Variants in GYPC observed in about 807,000 individuals in gnomAD.
GYPC encodes glycophorin-C.
Under a neutral mutation model 12.6 loss-of-function variants are expected in GYPC, and 14 were observed. The ratio of observed to expected loss-of-function variants is 1.11; its 90% confidence interval spans 0.74 to 1.74. The LOEUF (loss-of-function observed/expected upper bound fraction) is 1.74. Ranked by LOEUF, GYPC falls within the 40% of genes most tolerant of loss-of-function variation. GYPC has a pLI of 0.00. For missense variants in GYPC, 225 were observed against 172.1 expected (o/e 1.31, Z -1.72); for synonymous variants, 78 against 62.1 (o/e 1.26, Z -1.20).
chr2:126,665,745 C>T lies in GYPC; in HGVS notation c.49+9433C>T, dbSNP rs551242765. ...GGCAAGCGCCCACTCTGCCCTGCTC[C>T]GCACCTAGTGAGGACGTGTAACACA... On this transcript the variant is annotated intron_variant, in intron 1 of 3. Transcript: ENST00000259254. Among the ~76,000 whole-genome samples, 8 of 152,348 alleles carry T rather than the reference C, an allele frequency of 5.3e-5. No individual in the cohort carries two copies. In the South Asian group the frequency reaches 1.4e-3, roughly 28 times the overall value.
At chr2:126,677,516 AGTCTGTG>A (rs1683035571) in intron 1 of GYPC, among the ~76,000 whole-genome samples, 1 of 84,376 alleles carries the variant, frequency 1.2e-5, no homozygotes, top group Admixed American at 1.1e-4. Context: ...AGTGTGTGTG[AGTCTGTG>A]TGTGTGTGAG....
intron 1 of GYPC, among the ~76,000 whole-genome samples, chr2:126,656,559 G>A (rs1035624866): frequency 2.6e-5 from 4 of 152,270 alleles, no homozygotes; most frequent in Admixed American, 2.0e-4. Flanking sequence ...CCGAGCTGGA[G>A]AAGCCGCCAG....
At position 126,656,446 on chromosome 2, in the gene GYPC, C is replaced by T. The variant is rs1682358971; in HGVS notation, c.49+134C>T. Reference sequence around the variant, plus strand: ...CGGGCCTCCAGGCGGAGGAGGCGTCCGCTGGGCTCAGATCCCCGACTCCAG... The same window carrying T: ...CGGGCCTCCAGGCGGAGGAGGCGTCTGCTGGGCTCAGATCCCCGACTCCAG... On this transcript the variant is annotated intron_variant, in intron 1 of 3. Transcript: ENST00000259254. The T allele has an allele frequency of 5.4e-5, 39 of 722,660 alleles. 1 individual carries two copies. In the South Asian group the frequency reaches 7.0e-4, roughly 13 times the overall value. The allele number at this position is 722,660 out of a possible 1,614,324, so 44.8% of individuals were successfully genotyped here. A position where few individuals can be genotyped will look rare whatever the true frequency, so the allele number is the denominator to read the frequency against.
intron 1 of GYPC, among the ~76,000 whole-genome samples, chr2:126,677,718 C>T (rs1043445037): frequency 7.2e-5 from 11 of 152,072 alleles, no homozygotes; most frequent in South Asian, 6.2e-4. Flanking sequence ...GATGAGCACA[C>T]GAGGGTCCGG....
chr2:126,662,884 C>T (rs1038357769), intron 1 of GYPC, among the ~76,000 whole-genome samples: 1 of 152,136 alleles, frequency 6.6e-6, no homozygotes, highest in Non-Finnish European at 1.5e-5. Context: ...TCCCCACTGC[C>T]CTGCTCCCTC....
intron 1 of GYPC, chr2:126,675,623 A>G (rs1682976173): frequency 2.1e-6 from 2 of 939,364 alleles, no homozygotes; most frequent in African/African-American, 3.6e-5. Flanking sequence ...CCCTGCTTCA[A>G]AACTCTAGAG....
chr2:126,671,263 G>A (rs1016091144), intron 1 of GYPC, among the ~76,000 whole-genome samples: 11 of 152,166 alleles, frequency 7.2e-5, no homozygotes, highest in African/African-American at 2.7e-4. Context: ...ACAGGCACTC[G>A]GGGCTTTGCC....
intron 1 of GYPC, among the ~76,000 whole-genome samples, chr2:126,675,028 T>C (rs1682957185): frequency 6.6e-6 from 1 of 152,180 alleles, no homozygotes; most frequent in African/African-American, 2.4e-5. Context: ...GACCTGAACA[T>C]GGGTGTTTCT....
At chr2:126,661,040 C>T (rs1682520459) in intron 1 of GYPC, among the ~76,000 whole-genome samples, 1 of 152,208 alleles carries the variant, frequency 6.6e-6, no homozygotes, top group East Asian at 1.9e-4. Context: ...TTTCTACATT[C>T]TTCCAGAACA....
intron 1 of GYPC, among the ~76,000 whole-genome samples, chr2:126,662,922 GC>G (rs1682571542): frequency 6.6e-6 from 1 of 152,150 alleles, no homozygotes. Context: ...TCAGATGTTT[GC>G]CCCTTTGCCA....
At chr2:126,666,861 T>C (rs2104775973) in intron 1 of GYPC, among the ~76,000 whole-genome samples, 1 of 152,166 alleles carries the variant, frequency 6.6e-6, no homozygotes, top group South Asian at 2.1e-4. Context: ...AGGCAGACAC[T>C]TGGGGATCTG....
Position 126,693,785 on chromosome 2 carries a change from G to C in GYPC, c.107-79G>C, listed in dbSNP as rs148779992. On this transcript the variant is annotated intron_variant, in intron 2 of 3. Transcript: ENST00000259254. ...TCAGAGCTGCTCACACCTGAGCAAA[G>C]GATGCAGCTTGGGCCAAGGTGCTGC... 8.5e-6 allele frequency: 8 copies of C among 940,548 alleles called. No homozygotes were observed. In the East Asian group the frequency reaches 1.7e-4, roughly 20 times the overall value. The allele number at this position is 940,548 out of a possible 1,614,324, so 58.3% of individuals were successfully genotyped here.
At position 126,673,731 on chromosome 2, in the gene GYPC, C is replaced by T. The variant is rs147017462; in HGVS notation, c.50-16524C>T. Among the ~76,000 whole-genome samples the T allele has an allele frequency of 4.1e-3, 618 of 152,310 alleles. 5 individuals carry two copies. The highest frequency in any genetic ancestry group is 0.014 in the African/African-American group (596 of 41,566). ...TTTAGGTACCATAATTTTAAGTGGA[C>T]AAATGGTTTCATGCTTAAACACTGC... On this transcript the variant is annotated intron_variant, in intron 1 of 3. Coordinates refer to ENST00000259254, the MANE Select transcript of GYPC (RefSeq NM_002101.5).
At chr2:126,664,749 C>G (rs564965988) in intron 1 of GYPC, among the ~76,000 whole-genome samples, 1 of 152,350 alleles carries the variant, frequency 6.6e-6, no homozygotes, top group Non-Finnish European at 1.5e-5. Context: ...TCTGCTCTCC[C>G]TGCCTGAATC....
At position 126,656,311 on chromosome 2, in the gene GYPC, C is replaced by G. The variant is rs748881560; in HGVS notation, c.48C>G (p.Leu16=). 3.2e-6 allele frequency: 5 copies of G among 1,580,114 alleles called. No individual in the cohort carries two copies. The East Asian group carries it at 1.2e-4, about 37-fold the overall frequency. Residue 16 remains leucine (L), a splice_region_variant and synonymous_variant, in exon 1 of 4, where the codon CTC becomes CTG. Transcript: ENST00000259254. The part of the protein sequence containing the change: ...SPNSTAWPLS[L]EPDPGMASAS... Reference sequence around the variant, plus strand: ...ACAGCACGGCGTGGCCTCTCAGCCTCGGTGAGTACCCGCCGTGGGGAAGGG... The same window carrying G: ...ACAGCACGGCGTGGCCTCTCAGCCTGGGTGAGTACCCGCCGTGGGGAAGGG...
chr2:126,678,478 CATACAGAGCCAGTGTGCCTCTGGCCG>C (rs1683070703), intron 1 of GYPC: 1 of 152,164 alleles, frequency 6.6e-6, no homozygotes, highest in South Asian at 2.1e-4. Context: ...GCCTCTGGCT[CATACAGAGCCAGTGTGCCTCTGGCCG>C]GCCTGAGTAG....
intron 1 of GYPC, among the ~76,000 whole-genome samples, chr2:126,689,240 C>G (rs2104803985): frequency 6.6e-6 from 1 of 152,192 alleles, no homozygotes; most frequent in East Asian, 1.9e-4. Context: ...AAAGTGCACT[C>G]CAGAGGCAAG....
In GYPC at chr2:126,663,087, G is replaced by A. The variant is rs532813587; in HGVS notation, c.49+6775G>A. Among the ~76,000 whole-genome samples the A allele has an allele frequency of 1.4e-4, 21 of 152,272 alleles. No individual in the cohort carries two copies. The East Asian group carries it at 3.7e-3, about 27-fold the overall frequency. ...GGAATCTTGTTCTGTCCCCAGGCTG[G>A]AGTGCAGTGACATGATCTTGGCTCA... On this transcript the variant is annotated intron_variant, in intron 1 of 3. Transcript: ENST00000259254.
chr2:126,675,952 G>T (rs2104786959), intron 1 of GYPC, among the ~76,000 whole-genome samples: 1 of 152,274 alleles, frequency 6.6e-6, no homozygotes, highest in Admixed American at 6.5e-5. Context: ...AATGTGTAAA[G>T]AAAAATTAAT....
Sources: gnomAD v4.1 joint callset for allele counts (sites outside exome capture counted in the v4.1 genomes callset) on GRCh38, gnomAD v4.1.1 for gene constraint, MANE v1.5 for transcripts, NCBI Gene and HGNC (gene_info 2026-07-23, HGNC 2026-07-21) for gene names.